The following SCML2 variants were observed in gnomAD, a reference collection of about 807,000 sequenced individuals.
SCML2 encodes the protein sex comb on midleg-like protein 2.
SCML2 carries 6 observed loss-of-function variants against 48.4 expected under a neutral mutation model. The ratio of observed to expected loss-of-function variants is 0.12; its 90% confidence interval spans 0.07 to 0.24. SCML2 has a LOEUF of 0.24. Among genes scored for constraint, SCML2 ranks in the 10% least tolerant of loss-of-function variants. The pLI, the probability that SCML2 is intolerant of heterozygous loss-of-function variation, is 1.00. For synonymous variants in SCML2, 181 were observed against 189.5 expected, an observed-to-expected ratio of 0.95 and a Z score of 0.37; for missense variants, 377 against 528.2, an observed-to-expected ratio of 0.71 and a Z score of 2.81.
rs766175364 is a variant in SCML2 at position 18,267,590 on chromosome X, G to GT, written c.731-1789dup. On this transcript the variant is annotated intron_variant, in intron 7 of 14. Transcript: ENST00000251900. The stretch of plus-strand genomic sequence containing the variant: ...CTGTCGTACATTCTTTTTTGTTTGG[G>GT]TTTTTTTTTTTTTGAGACGGAGTCT... Among the ~76,000 whole-genome samples, 300 of 100,447 alleles carry GT rather than the reference G, an allele frequency of 3.0e-3. 3 individuals are homozygous for GT. Among genetic ancestry groups the GT allele is most frequent in the South Asian group, 0.027 (60 of 2,262 alleles). The allele number at this position is 100,447 out of a possible 115,157, so 87.2% of individuals were successfully genotyped here.
intron 9 of SCML2, among the ~76,000 whole-genome samples, chrX:18,259,848 A>T (rs1926995473): frequency 8.9e-6 from 1 of 111,866 alleles, no homozygotes; most frequent in South Asian, 3.7e-4. Context: ...TACATACCAT[A>T]CAAAAAGACA....
intron 7 of SCML2, among the ~76,000 whole-genome samples, chrX:18,268,255 C>T (rs1009296138): frequency 1.8e-5 from 2 of 112,470 alleles, no homozygotes; most frequent in African/African-American, 3.2e-5. Flanking sequence ...TCTGGCTGGG[C>T]GCAGTGGCTC....
At chrX:18,245,048 C>T (rs1329336730) in intron 13 of SCML2, among the ~76,000 whole-genome samples, 1 of 111,762 alleles carries the variant, frequency 8.9e-6, no homozygotes, top group Non-Finnish European at 1.9e-5. Context: ...AGCTGAGGAA[C>T]CTTAGCCAAA....
At chrX:18,298,427 T>C (rs1283318360) in intron 7 of SCML2, among the ~76,000 whole-genome samples, 4 of 112,186 alleles carry the variant, frequency 3.6e-5, no homozygotes, top group Non-Finnish European at 7.5e-5. Context: ...CATTGACCTA[T>C]AAAACAGAAA....
intron 11 of SCML2, among the ~76,000 whole-genome samples, chrX:18,250,727 C>T (rs1926625761): frequency 9.1e-6 from 1 of 110,054 alleles, no homozygotes; most frequent in African/African-American, 3.3e-5. Context: ...TTTCAAGGAC[C>T]TAAAAAATGA....
intron 11 of SCML2, among the ~76,000 whole-genome samples, chrX:18,254,966 A>G (rs1926788609): frequency 9.0e-6 from 1 of 110,831 alleles, no homozygotes; most frequent in African/African-American, 3.3e-5. Flanking sequence ...AACATCTCCA[A>G]CTCGTATTTT....
intron 1 of SCML2, among the ~76,000 whole-genome samples, chrX:18,352,866 T>C (rs1049389181): frequency 1.8e-5 from 2 of 111,976 alleles, no homozygotes; most frequent in Non-Finnish European, 3.8e-5. Flanking sequence ...CAACTACCAA[T>C]TCCAAAGCAA....
chrX:18,341,469 G>A, intron 1 of SCML2: 1 of 146,429 alleles, frequency 6.8e-6, no homozygotes, highest in Non-Finnish European at 1.4e-5. Flanking sequence ...CCGTGCTGAT[G>A]CCACCAGCCT....
intron 1 of SCML2, among the ~76,000 whole-genome samples, chrX:18,343,923 T>TAAAAA (rs1203495780): frequency 4.1e-4 from 22 of 53,187 alleles, no homozygotes; most frequent in Non-Finnish European, 5.2e-4. Flanking sequence ...TGCCTCTATT[T>TAAAAA]AAAAAAAAAA....
intron 1 of SCML2, among the ~76,000 whole-genome samples, chrX:18,344,275 A>G (rs1301883928): frequency 8.9e-6 from 1 of 111,898 alleles, no homozygotes; most frequent in East Asian, 2.8e-4. Flanking sequence ...CAAACCCTCA[A>G]TCTTTCTGAA....
chrX:18,271,361 A>G (rs1210925492), intron 7 of SCML2, among the ~76,000 whole-genome samples: 1 of 108,901 alleles, frequency 9.2e-6, no homozygotes, highest in East Asian at 2.9e-4. Flanking sequence ...CCAATATGCC[A>G]CTCTGCTTTC....
chrX:18,322,555 T>G (rs1423116283), intron 5 of SCML2, among the ~76,000 whole-genome samples: 1 of 111,899 alleles, frequency 8.9e-6, no homozygotes, highest in African/African-American at 3.2e-5. Context: ...AAAACAAACA[T>G]GCCCCAAACC....
rs1464920249 is a variant in SCML2 at position 18,293,166 on chromosome X, A to G, written c.730+11806T>C. 5.4e-5 allele frequency among the ~76,000 whole-genome samples: 6 copies of G among 112,113 alleles called. No homozygotes were observed. The South Asian group carries it at 1.8e-3, about 34-fold the overall frequency. On this transcript the variant is annotated intron_variant, in intron 7 of 14. Transcript: ENST00000251900. The stretch of plus-strand genomic sequence containing the variant: ...AAAAATTAGAATGAAAAATAATTAG[A>G]AAAATATTTTGCTTTCAAGAATATA...
chrX:18,331,991 G>A (rs1056280036), intron 2 of SCML2, among the ~76,000 whole-genome samples: 1 of 112,344 alleles, frequency 8.9e-6, no homozygotes, highest in African/African-American at 3.2e-5. Context: ...GTGGTGTTGT[G>A]TATTTCTCAC....
chrX:18,263,485 C>T (rs187227461), intron 8 of SCML2, among the ~76,000 whole-genome samples: 1 of 111,502 alleles, frequency 9.0e-6, no homozygotes, highest in East Asian at 2.8e-4. Context: ...AGTGCTGGTT[C>T]GACAATGATT....
In SCML2 at chrX:18,258,162, C is replaced by T. The variant is rs772208149; in HGVS notation, c.1155G>A (p.Pro385=). Residue 385 remains proline (P), a synonymous_variant, in exon 10 of 15, where the codon CCG becomes CCA. Transcript: ENST00000251900. ...RIQQLPDHFG[P]GPVNVVLRRI... is the part of the protein sequence containing the mutation. Reference sequence around the variant, plus strand: ...GGCGAAGCACCACATTCACCGGGCCCGGGCCGAAGTGGTCAGGCAGCTGCT... The same window carrying T: ...GGCGAAGCACCACATTCACCGGGCCTGGGCCGAAGTGGTCAGGCAGCTGCT... The T allele has an allele frequency of 4.1e-6, 5 of 1,211,416 alleles. No homozygotes were observed. The highest frequency in any genetic ancestry group is 5.6e-6 in the Non-Finnish European group (5 of 895,081).
intron 1 of SCML2, among the ~76,000 whole-genome samples, chrX:18,344,234 T>A (rs1297468296): frequency 9.0e-6 from 1 of 111,426 alleles, no homozygotes; most frequent in Non-Finnish European, 1.9e-5. Context: ...AATGAGCTCC[T>A]CTTCCTCTGC....
intron 8 of SCML2, among the ~76,000 whole-genome samples, chrX:18,265,235 C>T (rs1180433784): frequency 8.9e-6 from 1 of 111,938 alleles, no homozygotes; most frequent in Non-Finnish European, 1.9e-5. Context: ...TTCTTCTCTC[C>T]CTGCCCCAGT....
At position 18,338,443 on chromosome X, in the gene SCML2, T is replaced by TA. The variant is rs776595733; in HGVS notation, c.-24-4349dup. Among the ~76,000 whole-genome samples, 477 of 67,959 alleles carry TA rather than the reference T, an allele frequency of 7.0e-3. 3 individuals are homozygous for TA. Among genetic ancestry groups the TA allele is most frequent in the African/African-American group, 0.018 (319 of 17,742 alleles). The allele number at this position is 67,959 out of a possible 115,157, so 59.0% of individuals were successfully genotyped here. A position where few individuals can be genotyped will look rare whatever the true frequency, so the allele number is the denominator to read the frequency against. ...TGGGCAACAAAGGGAGACTCTGTCT[T>TA]AAAAAAAAAAAAAAGAAAAAAAAAA... On this transcript the variant is annotated intron_variant, in intron 1 of 14. Coordinates refer to ENST00000251900, the MANE Select transcript of SCML2 (RefSeq NM_006089.3).
Sources: allele counts gnomAD v4.1 joint callset (sites outside exome capture counted in the v4.1 genomes callset), GRCh38; gene constraint gnomAD v4.1.1; transcripts MANE v1.5; gene names NCBI Gene and HGNC (gene_info 2026-07-23, HGNC 2026-07-21).